The following IGSF3 variants were observed in gnomAD, a reference collection of about 807,000 sequenced individuals.
The protein encoded by IGSF3 is immunoglobulin superfamily member 3, also known as glu-Trp-Ile EWI motif-containing protein 3.
A neutral mutation model predicts 114.4 loss-of-function variants in IGSF3; 23 were observed. The ratio of observed to expected loss-of-function variants is 0.20; its 90% CI spans 0.14 to 0.28. The LOEUF is 0.28. Ranked by LOEUF, IGSF3 falls within the 10% of genes least tolerant of loss-of-function variation. IGSF3 has a pLI of 1.00. For synonymous variants in IGSF3, 571 were observed against 645.2 expected (o/e 0.88, Z 1.74); for missense variants, 1,172 against 1,591.5 (o/e 0.74, Z 4.48).
Position 116,616,912 on chromosome 1 carries a change from G to A in IGSF3, c.44-455C>T, listed in dbSNP as rs1661240373. ...TGCTTCTTCCTTGGTCTGAGCGCTG[G>A]TGGGAGGGAGTCCTGGGAGCACCTT... On this transcript the variant is annotated intron_variant, in intron 2 of 10. Coordinates refer to ENST00000369486, the MANE Select transcript of IGSF3 (RefSeq NM_001007237.3). This position sits in a 1 kb window ranked among gnomAD's most constrained non-coding sequence, Gnocchi z 6.6. Among the ~76,000 whole-genome samples, 1 of 152,192 alleles carries A rather than the reference G, an allele frequency of 6.6e-6. No homozygotes were observed. The highest frequency in any genetic ancestry group is 2.4e-5 in the African/African-American group (1 of 41,436).
Position 116,600,056 on chromosome 1 carries a change from C to T in IGSF3, c.1914G>A (p.Thr638=), listed in dbSNP as rs61730491. 2.9e-4 allele frequency: 461 copies of T among 1,614,190 alleles called. 1 individual carries two copies. The African/African-American group carries it at 5.3e-3, about 19-fold the overall frequency. The change falls in exon 7 of 11, where the codon ACG becomes ACA. Residue 638 remains threonine, a synonymous_variant. Coordinates refer to ENST00000369486, the MANE Select transcript of IGSF3 (RefSeq NM_001007237.3). The surrounding 1 kb of genome is among the most constrained non-coding windows in gnomAD (Gnocchi z 5.5). ...VRLSISRASD[T]EAGKYQCVAE... is the part of the protein sequence containing the mutation. ...CCACACACTGGTACTTGCCTGCTTC[C>T]GTGTCACTGGCTCGGCTGATGCTTA...
chr1:116,662,313 C>T lies in IGSF3; in HGVS notation c.43+3971G>A, dbSNP rs913192218. Among the ~76,000 whole-genome samples, 3 of 152,126 alleles carry T rather than the reference C, an allele frequency of 2.0e-5. No homozygotes were observed. The highest frequency in any genetic ancestry group is 4.4e-5 in the Non-Finnish European group (3 of 68,026). ...CTCAAACTCCTGACCTCAAGTGATC[C>T]ACCCGCCTCAGCCTCCCAAAGTGCT... On this transcript the variant is annotated intron_variant, in intron 2 of 10. Coordinates refer to ENST00000369486, the MANE Select transcript of IGSF3 (RefSeq NM_001007237.3). The surrounding 1 kb of genome is among the most constrained non-coding windows in gnomAD (Gnocchi z 4.3).
chr1:116,588,725 A>C lies in IGSF3; in HGVS notation c.2409T>G (p.Ser803=). 1 of 1,611,138 alleles carries C rather than the reference A, an allele frequency of 6.2e-7. No individual in the cohort carries two copies. Among genetic ancestry groups the C allele is most frequent in the Non-Finnish European group, 8.5e-7 (1 of 1,178,450 alleles). The change falls in exon 8 of 11, where the codon TCT becomes TCG. Residue 803 remains serine, a synonymous_variant. Coordinates refer to ENST00000369486, the MANE Select transcript of IGSF3 (RefSeq NM_001007237.3). The surrounding 1 kb of genome is among the most constrained non-coding windows in gnomAD (Gnocchi z 4.9). ...YAWYKLAEEV[S]GRTEVTVKQP... ...GTTTCACAGTGACTTCTGTGCGCCC[A>C]GAAACCTCCTCTGCCAGCTTGTACC...
rs1237193312 is a variant in IGSF3, at chr1:116,603,005, T to C, written c.1624+619A>G. Among the ~76,000 whole-genome samples the C allele has an allele frequency of 1.3e-5, 2 of 152,218 alleles. No homozygotes were observed. The highest frequency in any genetic ancestry group is 4.8e-5 in the African/African-American group (2 of 41,460). ...TAGAAACTTCTAGCCTTAGGCAAAG[T>C]ATTTAATGTGTCTCAGTCTCAGTTT... On this transcript the variant is annotated intron_variant, in intron 6 of 10. Transcript: ENST00000369486. This position sits in a 1 kb window ranked among gnomAD's most constrained non-coding sequence, Gnocchi z 7.1.
chr1:116,651,131 A>T lies in IGSF3; in HGVS notation c.43+15153T>A, dbSNP rs773587367. Among the ~76,000 whole-genome samples the T allele has an allele frequency of 3.1e-4, 47 of 152,266 alleles. No individual in the cohort carries two copies. The highest frequency in any genetic ancestry group is 4.6e-4 in the Admixed American group (7 of 15,292). On this transcript the variant is annotated intron_variant, in intron 2 of 10. Transcript: ENST00000369486. This position sits in a 1 kb window ranked among gnomAD's most constrained non-coding sequence, Gnocchi z 4.4. The stretch of plus-strand genomic sequence containing the variant: ...GCCTAGCCATAACTGAGCACATCAC[A>T]GACTCACACAAATCTGTGGAATGAG...
rs1661228665 is a variant in IGSF3, at chr1:116,616,613, A to G, written c.44-156T>C. Among the ~76,000 whole-genome samples the G allele has an allele frequency of 6.6e-6, 1 of 152,232 alleles. No homozygotes were observed. The highest frequency in any genetic ancestry group is 1.5e-5 in the Non-Finnish European group (1 of 68,042). On this transcript the variant is annotated intron_variant, in intron 2 of 10. Coordinates refer to ENST00000369486, the MANE Select transcript of IGSF3 (RefSeq NM_001007237.3). The surrounding 1 kb of genome is among the most constrained non-coding windows in gnomAD (Gnocchi z 6.6). ...CAAAGGCGCTTTGTGATTTATAAAT[A>G]TTAATTAAAACACTCTGTGGTAAAG...
At position 116,613,980 on chromosome 1, in the gene IGSF3, G is replaced by A. The variant is rs746309915; in HGVS notation, c.617C>T (p.Ser206Phe). Residue 206 changes from serine (S) to phenylalanine (F), a missense_variant, in exon 4 of 11, where the codon TCC (serine) becomes TTC (phenylalanine). By Grantham distance (155) the Ser-to-Phe change is radical (BLOSUM62 -2). This residue lies in a region of IGSF3 where 736 missense variants were observed against 1,042.0 expected (regional missense o/e 0.71). Coordinates refer to ENST00000369486, the MANE Select transcript of IGSF3 (RefSeq NM_001007237.3). ...ISLSRDFMLHSSSEYAQRQSL... is the reference protein window; with the variant it reads ...ISLSRDFMLHFSSEYAQRQSL... Reference sequence around the variant, plus strand: ...CTGCCTCTGGGCATATTCGCTGCTGGAGTGAAGCATGAAATCTCGGCTCAG... The same window carrying A: ...CTGCCTCTGGGCATATTCGCTGCTGAAGTGAAGCATGAAATCTCGGCTCAG... 45 of 1,613,888 alleles carry A rather than the reference G, an allele frequency of 2.8e-5. No individual in the cohort carries two copies. The highest frequency in any genetic ancestry group is 3.4e-5 in the Non-Finnish European group (40 of 1,179,898).
At position 116,636,562 on chromosome 1, in the gene IGSF3, G is replaced by A. The variant is rs1337486520; in HGVS notation, c.44-20105C>T. ...ACCTCAAAAATATTAGTTGAGTGGAGGAAAGAATGAACAGTCATCTGGCCC... is the reference window on the plus strand; with the variant it reads ...ACCTCAAAAATATTAGTTGAGTGGAAGAAAGAATGAACAGTCATCTGGCCC... On this transcript the variant is annotated intron_variant, in intron 2 of 10. Coordinates refer to ENST00000369486, the MANE Select transcript of IGSF3 (RefSeq NM_001007237.3). This position sits in a 1 kb window ranked among gnomAD's most constrained non-coding sequence, Gnocchi z 4.5. 6.6e-6 allele frequency among the ~76,000 whole-genome samples: 1 copy of A among 152,164 alleles called. No homozygotes were observed. Among genetic ancestry groups the A allele is most frequent in the Non-Finnish European group, 1.5e-5 (1 of 68,014 alleles).
chr1:116,617,625 A>C (rs1164307590), intron 2 of IGSF3, among the ~76,000 whole-genome samples: 1 of 152,212 alleles, frequency 6.6e-6, no homozygotes, highest in Non-Finnish European at 1.5e-5. Flanking sequence ...TAAGCTGCTT[A>C]ACCTCTCTAA....
At position 116,618,157 on chromosome 1, in the gene IGSF3, C is replaced by T; in HGVS notation, c.44-1700G>A. Among the ~76,000 whole-genome samples the T allele has an allele frequency of 6.6e-6, 1 of 152,232 alleles. No homozygotes were observed. Among genetic ancestry groups the T allele is most frequent in the Non-Finnish European group, 1.5e-5 (1 of 68,040 alleles). ...ATGGCTTGCAAAACTTTAATTCATG[C>T]AGAACCTTTCCTCACAAACAAAATC... On this transcript the variant is annotated intron_variant, in intron 2 of 10. Transcript: ENST00000369486. This position sits in a 1 kb window ranked among gnomAD's most constrained non-coding sequence, Gnocchi z 4.7.
rs1034933286 is a variant in IGSF3, at chr1:116,610,258, G to C, written c.833-1927C>G. 1.3e-5 allele frequency among the ~76,000 whole-genome samples: 2 copies of C among 152,156 alleles called. No individual in the cohort carries two copies. The highest frequency in any genetic ancestry group is 2.4e-5 in the African/African-American group (1 of 41,440). On this transcript the variant is annotated intron_variant, in intron 4 of 10. Transcript: ENST00000369486. The surrounding 1 kb of genome is among the most constrained non-coding windows in gnomAD (Gnocchi z 4.3). Reference sequence around the variant, plus strand: ...CTCCTTCCACATAAACACCACTGGAGCTGTGCAAGGGGTACCCTAGACCTC... The same window carrying C: ...CTCCTTCCACATAAACACCACTGGACCTGTGCAAGGGGTACCCTAGACCTC...
chr1:116,654,763 A>C lies in IGSF3; in HGVS notation c.43+11521T>G, dbSNP rs1460999313. 6.6e-6 allele frequency among the ~76,000 whole-genome samples: 1 copy of C among 152,162 alleles called. No individual in the cohort carries two copies. The highest frequency in any genetic ancestry group is 1.5e-5 in the Non-Finnish European group (1 of 68,034). ...GCTAGGTGTGAAATTCCCAATTCCCACACACAAGCAACATCCCCAGCAGTA... is the reference window on the plus strand; with the variant it reads ...GCTAGGTGTGAAATTCCCAATTCCCCCACACAAGCAACATCCCCAGCAGTA... On this transcript the variant is annotated intron_variant, in intron 2 of 10. Transcript: ENST00000369486. This position sits in a 1 kb window ranked among gnomAD's most constrained non-coding sequence, Gnocchi z 4.4.
rs1383205823 is a variant in IGSF3 at position 116,600,791 on chromosome 1, T to TA, written c.1625-447dup. On this transcript the variant is annotated intron_variant, in intron 6 of 10. Coordinates refer to ENST00000369486, the MANE Select transcript of IGSF3 (RefSeq NM_001007237.3). This position sits in a 1 kb window ranked among gnomAD's most constrained non-coding sequence, Gnocchi z 5.5. ...CCCAACACCACTTTTCCTGGTCCCT[T>TA]AGCGCACTGGTGCCGAGAAGGGAAG... Among the ~76,000 whole-genome samples the TA allele has an allele frequency of 1.3e-5, 2 of 152,140 alleles. No individual in the cohort carries two copies. Among genetic ancestry groups the TA allele is most frequent in the Non-Finnish European group, 2.9e-5 (2 of 68,010 alleles).
chr1:116,623,044 A>G (rs1301577124), intron 2 of IGSF3, among the ~76,000 whole-genome samples: 2 of 152,218 alleles, frequency 1.3e-5, no homozygotes, highest in Non-Finnish European at 2.9e-5. Flanking sequence ...TCCAGAGAGA[A>G]AGCAATCGGG....
intron 7 of IGSF3, among the ~76,000 whole-genome samples, chr1:116,590,962 G>A (rs1329579780): frequency 6.6e-6 from 1 of 152,166 alleles, no homozygotes; most frequent in Admixed American, 6.5e-5. Context: ...AGGAAGACTT[G>A]TTGAATTCAC....
Position 116,627,083 on chromosome 1 carries a change from G to A in IGSF3, c.44-10626C>T, listed in dbSNP as rs1427318451. On this transcript the variant is annotated intron_variant, in intron 2 of 10. Coordinates refer to ENST00000369486, the MANE Select transcript of IGSF3 (RefSeq NM_001007237.3). This position sits in a 1 kb window ranked among gnomAD's most constrained non-coding sequence, Gnocchi z 4.7. ...TGTTCTCCCTGTAATTACTCTGACCGCTCTTTCTTTCCGTCCGGTTTTGGA... is the reference window on the plus strand; with the variant it reads ...TGTTCTCCCTGTAATTACTCTGACCACTCTTTCTTTCCGTCCGGTTTTGGA... Among the ~76,000 whole-genome samples, 3 of 152,140 alleles carry A rather than the reference G, an allele frequency of 2.0e-5. No individual in the cohort carries two copies. Among genetic ancestry groups the A allele is most frequent in the Non-Finnish European group, 2.9e-5 (2 of 68,026 alleles).
rs777126397 is a variant in IGSF3 at position 116,579,536 on chromosome 1, G to A, written c.3190C>T (p.Arg1064Trp). ...RFQRLSPVLY[R>W]LTVLQASPQD... The stretch of plus-strand genomic sequence containing the variant: ...GGGCTTGCCTGCAGCACTGTGAGCC[G>A]GTAGAGCACCGGGGAGAGCCTCTGG... Residue 1064 changes from arginine (R) to tryptophan (W), a missense_variant, in exon 10 of 11, where the codon CGG becomes TGG. By Grantham distance (101) the Arg-to-Trp change is moderately radical (BLOSUM62 -3). Transcript: ENST00000369486. This position sits in a 1 kb window ranked among gnomAD's most constrained non-coding sequence, Gnocchi z 6.4. The A allele has an allele frequency of 3.1e-6, 5 of 1,614,150 alleles. No individual in the cohort carries two copies. The highest frequency in any genetic ancestry group is 3.3e-5 in the Admixed American group (2 of 60,018).
intron 10 of IGSF3, among the ~76,000 whole-genome samples, chr1:116,578,295 C>A (rs1333628886): frequency 6.6e-6 from 1 of 152,206 alleles, no homozygotes; most frequent in East Asian, 1.9e-4. Context: ...GGGACATCCA[C>A]AATGGACAGG....
Position 116,579,332 on chromosome 1 carries a change from A to G in IGSF3, c.3334+60T>C. 1 of 1,510,446 alleles carries G rather than the reference A, an allele frequency of 6.6e-7. No individual in the cohort carries two copies. The highest frequency in any genetic ancestry group is 8.9e-7 in the Non-Finnish European group (1 of 1,129,904). 93.6% of individuals were successfully genotyped at this position (1,510,446 alleles called of 1,614,324 possible). A position where few individuals can be genotyped will look rare whatever the true frequency, so the allele number is the denominator to read the frequency against. On this transcript the variant is annotated intron_variant, in intron 10 of 10. Transcript: ENST00000369486. This position sits in a 1 kb window ranked among gnomAD's most constrained non-coding sequence, Gnocchi z 6.4. ...TTAACCCATAATCAAGCTCAAATTT[A>G]TCTTCCAGACACAGTTGGAACCAAC...
Sources: gnomAD v4.1 joint callset for allele counts (sites outside exome capture counted in the v4.1 genomes callset) on GRCh38, gnomAD v4.1.1 for gene constraint, gnomAD v4.1.1 regional missense constraint, Gnocchi (gnomAD v3.1) non-coding constraint, MANE v1.5 for transcripts, NCBI Gene and HGNC (gene_info 2026-07-23, HGNC 2026-07-21) for gene names.